The following DISC1 variants were observed in gnomAD, a reference collection of about 807,000 sequenced individuals.
The protein encoded by DISC1 is disrupted in schizophrenia 1 protein.
Under a neutral mutation model 84.5 loss-of-function variants are expected in DISC1, and 57 were observed. The observed-to-expected ratio is 0.67, with a 90% CI of 0.55 to 0.84. The LOEUF (loss-of-function observed/expected upper bound fraction) is 0.84. DISC1 is among the 40% of genes least tolerant of loss of function. The probability of loss-of-function intolerance (pLI) is 0.00; values close to 1 mark genes in which losing one functional copy is unlikely to be tolerated. For missense variants in DISC1, 1,000 were observed against 1,057.8 expected (o/e 0.95, Z 0.76); for synonymous variants, 411 against 415.2 (o/e 0.99, Z 0.12).
At chr1:231,762,762 C>T (rs982113424) in intron 4 of DISC1, among the ~76,000 whole-genome samples, 3 of 151,998 alleles carry the variant, frequency 2.0e-5, no homozygotes, top group East Asian at 1.9e-4. Flanking sequence ...AGGATGGAGG[C>T]GTTCTGTCTC....
chr1:231,656,014 G>A (rs915611026), intron 1 of DISC1, among the ~76,000 whole-genome samples: 1 of 152,150 alleles, frequency 6.6e-6, no homozygotes, highest in Non-Finnish European at 1.5e-5. Context: ...CGGATGCATA[G>A]TTTGCAAATA....
intron 3 of DISC1, chr1:231,745,506 G>A: frequency 4.4e-6 from 1 of 225,728 alleles, no homozygotes; most frequent in Admixed American, 4.4e-5. Flanking sequence ...ACAGGTATGA[G>A]CCACCGCGCT....
chr1:231,866,492 C>T (rs375131696), intron 9 of DISC1: 44 of 787,050 alleles, frequency 5.6e-5, no homozygotes, highest in Non-Finnish European at 8.7e-5. Context: ...CTTTCGAAGT[C>T]CTTAATATTT....
intron 6 of DISC1, among the ~76,000 whole-genome samples, chr1:231,773,260 C>T (rs1368308590): frequency 6.6e-6 from 1 of 152,208 alleles, no homozygotes; most frequent in Non-Finnish European, 1.5e-5. Flanking sequence ...GAGCCCAGGA[C>T]TTGGTCTGGT....
At chr1:231,695,553 A>G (rs73115153) in intron 2 of DISC1, among the ~76,000 whole-genome samples, 1,920 of 151,956 alleles carry the variant, frequency 0.013, 50 homozygotes, top group African/African-American at 0.044. Flanking sequence ...GCCAGACTGT[A>G]TTTTAATCCT....
At chr1:232,022,260 T>G (rs1305040705) in intron 11 of DISC1, among the ~76,000 whole-genome samples, 1 of 151,534 alleles carries the variant, frequency 6.6e-6, no homozygotes, top group Non-Finnish European at 1.5e-5. Context: ...CCCTCATTTA[T>G]GGACTAAGAG....
intron 9 of DISC1, chr1:231,925,926 T>G (rs2090336038): frequency 6.6e-6 from 1 of 152,232 alleles, no homozygotes. Context: ...GACTTTGGAT[T>G]TCTGGCTGCT....
intron 6 of DISC1, among the ~76,000 whole-genome samples, chr1:231,777,541 A>G (rs950022847): frequency 1.3e-5 from 2 of 152,118 alleles, no homozygotes; most frequent in African/African-American, 4.8e-5. Context: ...TAAAGTAGAC[A>G]TCTTGCTTTT....
At position 231,719,026 on chromosome 1, in the gene DISC1, G is replaced by A. The variant is rs146830830; in HGVS notation, c.1117+17002G>A. On this transcript the variant is annotated intron_variant, in intron 3 of 12. Transcript: ENST00000439617. ...AATAGACTCAGCTACATGGGAGGCT[G>A]AGGCTGGAGGATTGTTTAAGCCCAG... Among the ~76,000 whole-genome samples, 856 of 152,316 alleles carry A rather than the reference G, an allele frequency of 5.6e-3. 3 individuals are homozygous for A. The highest frequency in any genetic ancestry group is 9.8e-3 in the Non-Finnish European group (669 of 68,032).
chr1:232,002,625 AC>A (rs1666848454), intron 10 of DISC1, among the ~76,000 whole-genome samples: 2 of 149,798 alleles, frequency 1.3e-5, no homozygotes, highest in Non-Finnish European at 3.0e-5. Context: ...ACACACACAC[AC>A]ACACACACAC....
At position 231,897,948 on chromosome 1, in the gene DISC1, GTATT is replaced by G. The variant is rs1379499440; in HGVS notation, c.1982-60875_1982-60872del. On this transcript the variant is annotated intron_variant, in intron 9 of 12. Coordinates refer to ENST00000439617, the MANE Select transcript of DISC1 (RefSeq NM_018662.3). The surrounding 1 kb of genome is among the most constrained non-coding windows in gnomAD (Gnocchi z 4.5). ...CCCTCGATTAAATATATACGAGCAA[GTATT>G]TATTGAATCTCATTTTAAGGACATT... Among the ~76,000 whole-genome samples the G allele has an allele frequency of 6.6e-6, 1 of 152,182 alleles. No homozygotes were observed. Among genetic ancestry groups the G allele is most frequent in the Non-Finnish European group, 1.5e-5 (1 of 68,028 alleles).
intron 3 of DISC1, chr1:231,721,217 T>G: frequency 1.2e-6 from 1 of 806,096 alleles, no homozygotes; most frequent in Non-Finnish European, 1.7e-6. Flanking sequence ...TATGTCAACA[T>G]ATTAATTCAG....
intron 6 of DISC1, among the ~76,000 whole-genome samples, chr1:231,790,389 A>G (rs1573845584): frequency 1.3e-5 from 2 of 152,284 alleles, no homozygotes; most frequent in South Asian, 4.1e-4. Flanking sequence ...TGAATGTCTA[A>G]GATCAAGGTG....
chr1:231,856,159 A>G (rs2084255687), intron 9 of DISC1, among the ~76,000 whole-genome samples: 1 of 151,936 alleles, frequency 6.6e-6, no homozygotes, highest in African/African-American at 2.4e-5. Context: ...TTGGATGGTG[A>G]CCTTTATGAG....
chr1:231,874,953 G>A (rs2085763928), intron 9 of DISC1, among the ~76,000 whole-genome samples: 1 of 150,648 alleles, frequency 6.6e-6, no homozygotes. Flanking sequence ...ATAGCATTAA[G>A]TGAGATACCA....
intron 3 of DISC1, among the ~76,000 whole-genome samples, chr1:231,741,385 G>A (rs1249838875): frequency 6.6e-6 from 1 of 152,156 alleles, no homozygotes; most frequent in Non-Finnish European, 1.5e-5. Flanking sequence ...CTAATGAAAA[G>A]GATTTAAAGT....
At chr1:231,757,316 C>G (rs1558488804) in intron 4 of DISC1, among the ~76,000 whole-genome samples, 1 of 152,170 alleles carries the variant, frequency 6.6e-6, no homozygotes, top group South Asian at 2.1e-4. Context: ...TATTCGTTCA[C>G]TCCTTAGAGG....
At chr1:231,727,095 T>A (rs2070823649) in intron 3 of DISC1, among the ~76,000 whole-genome samples, 1 of 152,092 alleles carries the variant, frequency 6.6e-6, no homozygotes. Context: ...CTCCTGCTTG[T>A]CTTCAGGTGT....
chr1:231,969,463 A>G (rs1467771364), intron 10 of DISC1, among the ~76,000 whole-genome samples: 2 of 151,988 alleles, frequency 1.3e-5, no homozygotes, highest in African/African-American at 4.8e-5. Flanking sequence ...AGGATTTCCC[A>G]TCACTTCTGA....
Sources: allele counts gnomAD v4.1 joint callset (sites outside exome capture counted in the v4.1 genomes callset), GRCh38; gene constraint gnomAD v4.1.1; non-coding constraint Gnocchi (gnomAD v3.1); transcripts MANE v1.5; gene names NCBI Gene and HGNC (gene_info 2026-07-23, HGNC 2026-07-21).